The following ZNF148 variants were observed in gnomAD, a reference collection of about 807,000 sequenced individuals.
ZNF148 encodes the protein Beta-Enolase Repressor Factor-1.
ZNF148 carries 7 observed loss-of-function variants against 67.7 expected under a neutral mutation model. That is an observed-to-expected ratio of 0.10 (90% CI 0.06 to 0.19). The LOEUF (loss-of-function observed/expected upper bound fraction) is 0.19. Among genes scored for constraint, ZNF148 ranks in the 10% least tolerant of loss-of-function variants. ZNF148 has a pLI of 1.00. For missense variants in ZNF148, 583 were observed against 947.1 expected, an observed-to-expected ratio of 0.62 and a Z score of 5.05; for synonymous variants, 333 against 330.7, an observed-to-expected ratio of 1.01 and a Z score of -0.08.
At chr3:125,258,684 A>G (rs1186407362) in intron 7 of ZNF148, among the ~76,000 whole-genome samples, 1 of 152,196 alleles carries the variant, frequency 6.6e-6, no homozygotes, top group Admixed American at 6.5e-5. Context: ...ATATGATATA[A>G]GTTAAATCTT....
chr3:125,298,323 T>C (rs1939392627), intron 4 of ZNF148, among the ~76,000 whole-genome samples: 1 of 118,692 alleles, frequency 8.4e-6, no homozygotes, highest in African/African-American at 3.4e-5. Flanking sequence ...GACATATACC[T>C]AGAGCAATGT....
intron 4 of ZNF148, among the ~76,000 whole-genome samples, chr3:125,294,812 C>T (rs1218308643): frequency 1.3e-5 from 2 of 152,060 alleles, no homozygotes; most frequent in African/African-American, 4.8e-5. Context: ...GACAGAAAGA[C>T]AAAATTTAAA....
chr3:125,367,258 CAAAT>C (rs1942731257), intron 1 of ZNF148, among the ~76,000 whole-genome samples: 1 of 152,190 alleles, frequency 6.6e-6, no homozygotes. Flanking sequence ...ACAGCCGTCT[CAAAT>C]AATCCTCTTT....
intron 1 of ZNF148, among the ~76,000 whole-genome samples, chr3:125,348,545 C>G (rs1363826887): frequency 7.1e-6 from 1 of 140,998 alleles, no homozygotes; most frequent in Non-Finnish European, 1.5e-5. Context: ...TTAAACTTAA[C>G]TAAGGAGGCA....
At chr3:125,241,333 A>T (rs1251788730) in intron 7 of ZNF148, among the ~76,000 whole-genome samples, 2 of 143,528 alleles carry the variant, frequency 1.4e-5, no homozygotes, top group Non-Finnish European at 1.5e-5. Context: ...TTTTTTTTTT[A>T]AAGACAGGGT....
At chr3:125,301,314 G>A (rs935595937) in intron 4 of ZNF148, among the ~76,000 whole-genome samples, 3 of 152,144 alleles carry the variant, frequency 2.0e-5, no homozygotes, top group Admixed American at 6.5e-5. Context: ...GTAACACAGC[G>A]AGACCCCATC....
intron 7 of ZNF148, among the ~76,000 whole-genome samples, chr3:125,243,209 T>A (rs900251834): frequency 6.6e-6 from 1 of 152,244 alleles, no homozygotes; most frequent in Non-Finnish European, 1.5e-5. Context: ...TTTCTACATC[T>A]TCTTAAATTC....
In ZNF148 at chr3:125,232,481, T is replaced by G; in HGVS notation, c.2245A>C (p.Ser749Arg). The change falls in exon 9 of 9, where the codon AGC becomes CGC. Residue 749 changes from serine to arginine, a missense_variant. Physicochemically the swap from Ser to Arg is moderately radical, Grantham distance 110. Coordinates refer to ENST00000360647, the MANE Select transcript of ZNF148 (RefSeq NM_021964.3). The surrounding 1 kb of genome is among the most constrained non-coding windows in gnomAD (Gnocchi z 4.2). ...AGGTTCACCTGTCCATTGGCAGTGC[T>G]AAATTGAGTAGCTATTCCAGCTCTT... ...GSRAGIATQF[S>R]TANGQVNLRG... 6.2e-7 allele frequency: 1 copy of G among 1,613,768 alleles called. No individual in the cohort carries two copies. Among genetic ancestry groups the G allele is most frequent in the Non-Finnish European group, 8.5e-7 (1 of 1,179,762 alleles).
chr3:125,349,840 C>CA (rs1942073725), intron 1 of ZNF148, among the ~76,000 whole-genome samples: 1 of 152,066 alleles, frequency 6.6e-6, no homozygotes, highest in Non-Finnish European at 1.5e-5. Flanking sequence ...GACCCTGTCT[C>CA]AAAAAACAAA....
chr3:125,310,908 C>A, intron 4 of ZNF148: 3 of 216,528 alleles, frequency 1.4e-5, no homozygotes, highest in South Asian at 8.6e-5. Context: ...GAGACACCCA[C>A]CGTTACCCCC....
chr3:125,317,692 C>A (rs1338555408), intron 3 of ZNF148, among the ~76,000 whole-genome samples: 3 of 45,248 alleles, frequency 6.6e-5, no homozygotes, highest in Non-Finnish European at 1.5e-4. Flanking sequence ...TACATATACA[C>A]ACACACATAT....
chr3:125,345,081 G>T (rs1165262510), intron 1 of ZNF148, among the ~76,000 whole-genome samples: 1 of 152,176 alleles, frequency 6.6e-6, no homozygotes, highest in African/African-American at 2.4e-5. Context: ...CTTGACATAT[G>T]TAGAGAATAT....
chr3:125,369,582 G>A (rs944287657), intron 1 of ZNF148, among the ~76,000 whole-genome samples: 4 of 151,576 alleles, frequency 2.6e-5, no homozygotes, highest in African/African-American at 9.7e-5. Context: ...TCTGAACACT[G>A]CTACTGAAAA....
chr3:125,289,298 G>A (rs1185530412), intron 4 of ZNF148, among the ~76,000 whole-genome samples: 2 of 152,142 alleles, frequency 1.3e-5, no homozygotes, highest in East Asian at 3.8e-4. Flanking sequence ...AGAGGTTCAC[G>A]AGAAAAAATG....
At chr3:125,337,095 A>G (rs568887325) in intron 1 of ZNF148, among the ~76,000 whole-genome samples, 8 of 152,264 alleles carry the variant, frequency 5.3e-5, no homozygotes, top group Admixed American at 1.3e-4. Context: ...CTGAGAAAGA[A>G]AATCCTACAA....
rs186767598 is a variant in ZNF148 at position 125,281,000 on chromosome 3, C to T, written c.460-1753G>A. ...ACCCCTTCTCAAACCTAGAAAAGGG[C>T]AGTACGTAAGGGAAAAAAGCTTTAA... On this transcript the variant is annotated intron_variant, in intron 5 of 8. Coordinates refer to ENST00000360647, the MANE Select transcript of ZNF148 (RefSeq NM_021964.3). Among the ~76,000 whole-genome samples the T allele has an allele frequency of 2.0e-5, 3 of 152,168 alleles. No homozygotes were observed. The East Asian group carries it at 5.8e-4, about 29-fold the overall frequency.
At chr3:125,259,789 C>T (rs566371195) in intron 7 of ZNF148, among the ~76,000 whole-genome samples, 55 of 152,238 alleles carry the variant, frequency 3.6e-4, no homozygotes, top group African/African-American at 1.3e-3. Context: ...CCTTTAAGAA[C>T]TTTTTCCTTT....
intron 8 of ZNF148, 110 bp downstream of exon 8, chr3:125,234,101 A>T (rs1935975673): frequency 1.7e-6 from 2 of 1,210,368 alleles, no homozygotes; most frequent in South Asian, 3.1e-5. Context: ...TCTAATCTGT[A>T]AGAGTTAGAA....
At chr3:125,373,317 C>T (rs904259405) in intron 1 of ZNF148, among the ~76,000 whole-genome samples, 3 of 151,372 alleles carry the variant, frequency 2.0e-5, no homozygotes, top group East Asian at 4.0e-4. Flanking sequence ...TCTTAAACTC[C>T]TGACCTCAGG....
Sources: gnomAD v4.1 joint callset for allele counts (sites outside exome capture counted in the v4.1 genomes callset) on GRCh38, gnomAD v4.1.1 for gene constraint, Gnocchi (gnomAD v3.1) non-coding constraint, MANE v1.5 for transcripts, NCBI Gene and HGNC (gene_info 2026-07-23, HGNC 2026-07-21) for gene names.